The following CNIH3 variants were observed in gnomAD, a reference collection of about 807,000 sequenced individuals.
The protein encoded by CNIH3 is protein cornichon homolog 3.
A neutral mutation model predicts 24.1 loss-of-function variants in CNIH3; 14 were observed. That is an observed-to-expected ratio of 0.58 (90% CI 0.38 to 0.91). The LOEUF (loss-of-function observed/expected upper bound fraction) is 0.91, where lower values mean the gene tolerates loss of function less well. Ranked by LOEUF, CNIH3 falls within the 40% of genes least tolerant of loss-of-function variation. The pLI is 0.00. For missense variants in CNIH3, 178 were observed against 196.8 expected, an observed-to-expected ratio of 0.90 and a Z score of 0.57; for synonymous variants, 68 against 73.8, an observed-to-expected ratio of 0.92 and a Z score of 0.40.
chr1:224,462,145 A>G (rs922424889), intron 1 of CNIH3, among the ~76,000 whole-genome samples: 5 of 152,150 alleles, frequency 3.3e-5, no homozygotes, highest in East Asian at 3.9e-4. Context: ...GTTACCATCA[A>G]TGAACCTACA....
At chr1:224,462,156 T>C (rs1419645152) in intron 1 of CNIH3, among the ~76,000 whole-genome samples, 2 of 152,146 alleles carry the variant, frequency 1.3e-5, no homozygotes, top group African/African-American at 4.8e-5. Context: ...TGAACCTACA[T>C]TGACATCACT....
At position 224,563,456 on chromosome 1, in the gene CNIH3, A is replaced by ATG. The variant is rs1458711028; in HGVS notation, n.451-2743_451-2742insTG. Among the ~76,000 whole-genome samples the ATG allele has an allele frequency of 1.8e-4, 22 of 123,196 alleles. 2 individuals are homozygous for ATG. The Admixed American group carries it at 1.8e-3, about 10-fold the overall frequency. The allele number at this position is 123,196 out of a possible 152,430, so 80.8% of individuals were successfully genotyped here. A position where few individuals can be genotyped will look rare whatever the true frequency, so the allele number is the denominator to read the frequency against. On this transcript the variant is annotated intron_variant and non_coding_transcript_variant, in intron 3 of 5. Transcript: ENST00000471578. Reference sequence around the variant, plus strand: ...ACAATACTACATTGAAATATTTTAGACGGGGTGTGTGTGTGTGTGTGTGTG... The same window carrying ATG: ...ACAATACTACATTGAAATATTTTAGATGCGGGGTGTGTGTGTGTGTGTGTGTG...
intron 1 of CNIH3, among the ~76,000 whole-genome samples, chr1:224,621,802 T>C (rs979814506): frequency 3.3e-5 from 5 of 152,254 alleles, no homozygotes; most frequent in Admixed American, 2.6e-4. Context: ...CATAGTGATA[T>C]GTTTTGGCTA....
At chr1:224,584,328 T>A (rs931206353) in intron 5 of CNIH3, among the ~76,000 whole-genome samples, 1 of 152,212 alleles carries the variant, frequency 6.6e-6, no homozygotes, top group African/African-American at 2.4e-5. Flanking sequence ...TCCTTGAACA[T>A]CCTTAGAATA....
chr1:224,620,549 C>T (rs930930951), intron 1 of CNIH3, among the ~76,000 whole-genome samples: 27 of 152,100 alleles, frequency 1.8e-4, no homozygotes, highest in Non-Finnish European at 2.9e-4. Context: ...GCTATATATC[C>T]TTTTTTAAAA....
chr1:224,666,000 G>A (rs1685582406), intron 1 of CNIH3, among the ~76,000 whole-genome samples: 1 of 152,176 alleles, frequency 6.6e-6, no homozygotes, highest in Admixed American at 6.5e-5. Flanking sequence ...GTACAGGGCA[G>A]GGTCTGTGCC....
rs942136951 is a variant in CNIH3 at position 224,437,975 on chromosome 1, C to T, written n.203+3113C>T. On this transcript the variant is annotated intron_variant and non_coding_transcript_variant, in intron 1 of 5. Transcript: ENST00000471578. ...TCGCCCAGGCTGGAGTGCAGTGGCG[C>T]GATCTTGGCTCACTGCAAGCTCCGC... is the stretch of plus-strand genomic sequence containing the variant. Among the ~76,000 whole-genome samples the T allele has an allele frequency of 4.0e-5, 6 of 150,866 alleles. No individual in the cohort carries two copies. In the East Asian group the frequency reaches 7.8e-4, roughly 20 times the overall value.
At chr1:224,507,526 G>C (rs552513138) in intron 1 of CNIH3, among the ~76,000 whole-genome samples, 8 of 152,140 alleles carry the variant, frequency 5.3e-5, no homozygotes, top group Non-Finnish European at 1.0e-4. Context: ...ATGTGTATGC[G>C]ATCTTTCTCT....
At chr1:224,629,245 G>A (rs1404176841) in intron 1 of CNIH3, among the ~76,000 whole-genome samples, 1 of 151,976 alleles carries the variant, frequency 6.6e-6, no homozygotes, top group Non-Finnish European at 1.5e-5. Context: ...CTGAACCCAT[G>A]ATCTGCCCAC....
intron 1 of CNIH3, among the ~76,000 whole-genome samples, chr1:224,449,581 G>C (rs533071046): frequency 7.2e-5 from 11 of 151,978 alleles, no homozygotes; most frequent in Non-Finnish European, 7.4e-5. Context: ...CTGCTGGCTT[G>C]AATTCCCAGG....
At chr1:224,487,775 A>G (rs1404591308) in intron 1 of CNIH3, among the ~76,000 whole-genome samples, 1 of 152,228 alleles carries the variant, frequency 6.6e-6, no homozygotes, top group Non-Finnish European at 1.5e-5. Flanking sequence ...TCTGGATCAC[A>G]ATGTTACATT....
At chr1:224,457,121 AG>A (rs1283519348) in intron 1 of CNIH3, among the ~76,000 whole-genome samples, 1 of 152,212 alleles carries the variant, frequency 6.6e-6, no homozygotes, top group African/African-American at 2.4e-5. Context: ...TCAGGACAGC[AG>A]GCAGGTCAGG....
At chr1:224,714,677 G>T (rs1232554455) in intron 3 of CNIH3, among the ~76,000 whole-genome samples, 1 of 152,196 alleles carries the variant, frequency 6.6e-6, no homozygotes, top group African/African-American at 2.4e-5. Context: ...TGGATGGAAT[G>T]AGCTGCCCAT....
At chr1:224,642,595 C>T (rs1056324321) in intron 1 of CNIH3, among the ~76,000 whole-genome samples, 7 of 152,134 alleles carry the variant, frequency 4.6e-5, no homozygotes, top group African/African-American at 1.2e-4. Flanking sequence ...TGGCTGAGCC[C>T]GGACTGATTC....
At chr1:224,475,056 A>G (rs11802339) in intron 1 of CNIH3, among the ~76,000 whole-genome samples, 31 of 112,588 alleles carry the variant, frequency 2.8e-4, no homozygotes, top group South Asian at 2.5e-3. Flanking sequence ...AAAAAAAAAG[A>G]AAAAAAAAAA....
chr1:224,443,422 C>T (rs1306011754), intron 1 of CNIH3, among the ~76,000 whole-genome samples: 1 of 152,114 alleles, frequency 6.6e-6, no homozygotes, highest in Non-Finnish European at 1.5e-5. Flanking sequence ...CTTGATTACT[C>T]CATTAGCAGC....
intron 1 of CNIH3, among the ~76,000 whole-genome samples, chr1:224,460,928 A>C (rs1675886006): frequency 6.6e-6 from 1 of 151,752 alleles, no homozygotes; most frequent in Non-Finnish European, 1.5e-5. Context: ...TATAGGCGAG[A>C]GCCACTGCAT....
At chr1:224,559,655 G>A (rs1351597616) in intron 3 of CNIH3, among the ~76,000 whole-genome samples, 4 of 152,138 alleles carry the variant, frequency 2.6e-5, no homozygotes, top group African/African-American at 7.2e-5. Context: ...TTATAGGCAT[G>A]AGCCACTACA....
chr1:224,575,338 C>G, intron 4 of CNIH3: 1 of 1,029,728 alleles, frequency 9.7e-7, no homozygotes, highest in Non-Finnish European at 1.5e-6. Context: ...GGGTCTGTGC[C>G]TTGGTGAGCT....
Sources: gnomAD v4.1 joint callset for allele counts (sites outside exome capture counted in the v4.1 genomes callset) on GRCh38, gnomAD v4.1.1 for gene constraint, MANE v1.5 for transcripts, NCBI Gene and HGNC (gene_info 2026-07-23, HGNC 2026-07-21) for gene names.